Variants in PRR5L observed in about 807,000 individuals in gnomAD.
PRR5L encodes the protein proline-rich protein 5-like.
A neutral mutation model predicts 36.4 loss-of-function variants in PRR5L; 21 were observed. The observed-to-expected ratio is 0.58, with a 90% CI of 0.41 to 0.83. PRR5L has a LOEUF of 0.83. Among genes scored for constraint, PRR5L ranks in the 40% least tolerant of loss-of-function variants. PRR5L has a pLI of 0.00. For missense variants in PRR5L, 381 were observed against 473.3 expected (o/e 0.80, Z 1.81); for synonymous variants, 188 against 197.0 (o/e 0.95, Z 0.38).
chr11:36,303,395 T>A (rs1480454143), intron 1 of PRR5L, among the ~76,000 whole-genome samples: 1 of 152,168 alleles, frequency 6.6e-6, no homozygotes, highest in Non-Finnish European at 1.5e-5. Flanking sequence ...TGGAGATACC[T>A]TGCTCATAAA....
chr11:36,376,859 C>T (rs1371062002), intron 1 of PRR5L, among the ~76,000 whole-genome samples: 2 of 152,086 alleles, frequency 1.3e-5, no homozygotes, highest in East Asian at 2.0e-4. Flanking sequence ...GGGGGGCAAC[C>T]AGGTGGGAAC....
chr11:36,359,413 GA>G (rs1857061693), intron 1 of PRR5L, among the ~76,000 whole-genome samples: 1 of 152,146 alleles, frequency 6.6e-6, no homozygotes, highest in East Asian at 1.9e-4. Context: ...ACTATTCTTT[GA>G]AATGGATTAA....
At chr11:36,385,812 C>T (rs1056307094) in intron 1 of PRR5L, among the ~76,000 whole-genome samples, 6 of 152,224 alleles carry the variant, frequency 3.9e-5, no homozygotes, top group Admixed American at 1.3e-4. Context: ...TCTGCTATGT[C>T]TGTAGGCTCC....
At chr11:36,436,122 C>T (rs887036531) in intron 5 of PRR5L, among the ~76,000 whole-genome samples, 9 of 152,306 alleles carry the variant, frequency 5.9e-5, no homozygotes, top group East Asian at 5.8e-4. Flanking sequence ...ACTAGTCATG[C>T]CCTTGTTCTA....
chr11:36,434,305 T>C (rs1386309253), intron 5 of PRR5L, among the ~76,000 whole-genome samples: 1 of 152,238 alleles, frequency 6.6e-6, no homozygotes, highest in African/African-American at 2.4e-5. Context: ...ACCAGGCATC[T>C]CTACTTTTTA....
At chr11:36,298,941 G>A (rs1856343748) in intron 1 of PRR5L, among the ~76,000 whole-genome samples, 1 of 152,146 alleles carries the variant, frequency 6.6e-6, no homozygotes, top group Non-Finnish European at 1.5e-5. Context: ...AGAGGATTAA[G>A]GCCTACCCTA....
At chr11:36,298,031 A>C (rs182350841) in intron 1 of PRR5L, among the ~76,000 whole-genome samples, 3 of 152,308 alleles carry the variant, frequency 2.0e-5, no homozygotes, top group Admixed American at 2.0e-4. Flanking sequence ...AATCTTGTGG[A>C]TACTTCAGAG....
intron 1 of PRR5L, among the ~76,000 whole-genome samples, chr11:36,325,696 C>T (rs996206280): frequency 5.3e-5 from 8 of 152,212 alleles, no homozygotes; most frequent in African/African-American, 1.9e-4. Flanking sequence ...ATGCCCTCAC[C>T]TTCCCAGCTA....
chr11:36,423,063 T>C (rs1858304888), intron 4 of PRR5L, among the ~76,000 whole-genome samples: 1 of 149,094 alleles, frequency 6.7e-6, no homozygotes, highest in African/African-American at 2.6e-5. Flanking sequence ...GTTATAAGCT[T>C]TTGCCCCAAG....
chr11:36,462,751 G>A lies in PRR5L; in HGVS notation c.*15G>A. On this transcript the variant is annotated 3_prime_UTR_variant, in exon 9 of 9. Coordinates refer to ENST00000530639, the MANE Select transcript of PRR5L (RefSeq NM_001160167.2). ...CCCTCAGCTGAGTCGCCACCCCTGGGCCTTTCCATCTCCTGTTTTGCAACC... is the reference window on the plus strand; with the variant it reads ...CCCTCAGCTGAGTCGCCACCCCTGGACCTTTCCATCTCCTGTTTTGCAACC... The A allele has an allele frequency of 7.3e-6, 11 of 1,516,958 alleles. No homozygotes were observed. Among genetic ancestry groups the A allele is most frequent in the Non-Finnish European group, 9.7e-6 (11 of 1,133,374 alleles). The allele number at this position is 1,516,958 out of a possible 1,614,324, so 94.0% of individuals were successfully genotyped here.
At chr11:36,373,734 A>G (rs1297646029) in intron 1 of PRR5L, among the ~76,000 whole-genome samples, 2 of 152,164 alleles carry the variant, frequency 1.3e-5, no homozygotes, top group African/African-American at 4.8e-5. Flanking sequence ...TATGTTGTGA[A>G]TACTTCTCTT....
At chr11:36,353,974 A>T (rs1857001285) in intron 1 of PRR5L, among the ~76,000 whole-genome samples, 1 of 152,214 alleles carries the variant, frequency 6.6e-6, no homozygotes, top group African/African-American at 2.4e-5. Flanking sequence ...GAGAGAAGCC[A>T]GAGGAGACAA....
chr11:36,340,255 T>A (rs1319318102), intron 1 of PRR5L, among the ~76,000 whole-genome samples: 1 of 152,208 alleles, frequency 6.6e-6, no homozygotes, highest in Non-Finnish European at 1.5e-5. Flanking sequence ...GGATTTTTAG[T>A]TTCTCTTGAA....
intron 1 of PRR5L, among the ~76,000 whole-genome samples, chr11:36,375,631 T>A (rs1431139199): frequency 6.6e-6 from 1 of 152,192 alleles, no homozygotes; most frequent in Non-Finnish European, 1.5e-5. Flanking sequence ...ATGATGCAGG[T>A]AGTGAGTCCT....
chr11:36,376,816 G>A (rs1857271351), intron 1 of PRR5L: 1 of 801,814 alleles, frequency 1.2e-6, no homozygotes, highest in Non-Finnish European at 1.5e-6. Flanking sequence ...GCGGCGTGGC[G>A]GGGGTAGGAG....
intron 1 of PRR5L, among the ~76,000 whole-genome samples, chr11:36,297,857 C>G (rs1056522243): frequency 3.9e-5 from 6 of 152,160 alleles, no homozygotes; most frequent in Non-Finnish European, 2.9e-5. Flanking sequence ...CCATCCTTCT[C>G]TCCTCTGGCT....
At chr11:36,455,235 G>A (rs1253219010) in intron 8 of PRR5L, 1 of 152,482 alleles carries the variant, frequency 6.6e-6, no homozygotes, top group Non-Finnish European at 1.5e-5. Flanking sequence ...GTGTGCTGGG[G>A]TCACAATGGC....
chr11:36,374,614 A>G (rs956948736), intron 1 of PRR5L, among the ~76,000 whole-genome samples: 2 of 152,198 alleles, frequency 1.3e-5, no homozygotes, highest in African/African-American at 4.8e-5. Flanking sequence ...GCAGCCGGGT[A>G]GAACTAGTTC....
At chr11:36,321,017 TA>T (rs1453151053) in intron 1 of PRR5L, 1 of 152,220 alleles carries the variant, frequency 6.6e-6, no homozygotes, top group Non-Finnish European at 1.5e-5. Context: ...TATGGAATTT[TA>T]AAAAATAATT....
Sources: gnomAD v4.1 joint callset for allele counts (sites outside exome capture counted in the v4.1 genomes callset) on GRCh38, gnomAD v4.1.1 for gene constraint, MANE v1.5 for transcripts, NCBI Gene and HGNC (gene_info 2026-07-23, HGNC 2026-07-21) for gene names.